Variants in GPC6 observed in about 807,000 individuals in gnomAD.
GPC6 encodes glypican-6.
In GPC6, 14 loss-of-function variants were observed where a neutral mutation model predicts 55.2. That is an observed-to-expected ratio of 0.25 (90% confidence interval 0.17 to 0.40). The LOEUF is 0.40. Ranked by LOEUF, GPC6 falls within the 10% of genes least tolerant of loss-of-function variation. The probability of loss-of-function intolerance (pLI) is 1.00; values close to 1 mark genes in which losing one functional copy is unlikely to be tolerated. For synonymous variants in GPC6, 278 were observed against 259.6 expected (o/e 1.07, Z -0.68); for missense variants, 641 against 708.5 (o/e 0.90, Z 1.08).
chr13:94,225,674 T>C (rs1890533123), intron 4 of GPC6, among the ~76,000 whole-genome samples: 11 of 150,426 alleles, frequency 7.3e-5, no homozygotes, highest in Admixed American at 7.3e-4. Context: ...TATACACATA[T>C]ATATATATAT....
intron 1 of GPC6, among the ~76,000 whole-genome samples, chr13:93,446,954 T>A (rs1878027882): frequency 6.6e-6 from 1 of 151,778 alleles, no homozygotes; most frequent in South Asian, 2.1e-4. Context: ...AGTATTTTAC[T>A]AATTTTTTTG....
At chr13:93,756,506 G>A (rs1884775646) in intron 2 of GPC6, among the ~76,000 whole-genome samples, 2 of 152,078 alleles carry the variant, frequency 1.3e-5, no homozygotes, top group Admixed American at 6.6e-5. Context: ...AAAGCCTTGG[G>A]ACTTTATTCA....
At chr13:93,713,126 T>G (rs1883130680) in intron 2 of GPC6, among the ~76,000 whole-genome samples, 1 of 151,556 alleles carries the variant, frequency 6.6e-6, no homozygotes, top group Admixed American at 6.6e-5. Context: ...TTTTAACATT[T>G]TAGAAATGGA....
intron 1 of GPC6, among the ~76,000 whole-genome samples, chr13:93,248,564 G>A (rs903683779): frequency 2.0e-5 from 3 of 151,898 alleles, no homozygotes; most frequent in Admixed American, 6.6e-5. Flanking sequence ...CTTCATTCAG[G>A]GTGACAATTT....
rs533444261 is a variant in GPC6 at position 94,117,315 on chromosome 13, G to C, written c.877+89421G>C. Among the ~76,000 whole-genome samples, 3 of 152,170 alleles carry C rather than the reference G, an allele frequency of 2.0e-5. No homozygotes were observed. The South Asian group carries it at 6.2e-4, about 32-fold the overall frequency. ...TATAATTCCAAAGGTGTTGTATCCT[G>C]AATAATAATTCTATGTCATTAACAA... On this transcript the variant is annotated intron_variant, in intron 4 of 8. Transcript: ENST00000377047.
At chr13:94,182,846 G>A (rs1179391030) in intron 4 of GPC6, among the ~76,000 whole-genome samples, 1 of 152,150 alleles carries the variant, frequency 6.6e-6, no homozygotes, top group Admixed American at 6.5e-5. Context: ...CACAAACAGG[G>A]TTCACTACAG....
At position 94,103,449 on chromosome 13, in the gene GPC6, G is replaced by C. The variant is rs145118892; in HGVS notation, c.877+75555G>C. ...ATGGTATTTCTAGTTCTAGATCCTT[G>C]AGGAATTGCCACACTGTCTTCCACA... On this transcript the variant is annotated intron_variant, in intron 4 of 8. Coordinates refer to ENST00000377047, the MANE Select transcript of GPC6 (RefSeq NM_005708.5). 5.6e-3 allele frequency among the ~76,000 whole-genome samples: 855 copies of C among 152,248 alleles called. 8 individuals carry two copies. Among genetic ancestry groups the C allele is most frequent in the African/African-American group, 0.02 (823 of 41,528 alleles).
intron 1 of GPC6, among the ~76,000 whole-genome samples, chr13:93,295,773 A>G (rs1878476674): frequency 6.6e-6 from 1 of 152,120 alleles, no homozygotes; most frequent in Non-Finnish European, 1.5e-5. Context: ...AGTGGGTGCC[A>G]TGTCGGCTCA....
intron 4 of GPC6, among the ~76,000 whole-genome samples, chr13:94,111,858 C>T (rs1253912856): frequency 2.0e-5 from 3 of 152,068 alleles, no homozygotes; most frequent in African/African-American, 7.2e-5. Context: ...ATACCATTTA[C>T]ACTTACTTCT....
chr13:93,846,781 T>C (rs1464976519), intron 3 of GPC6, among the ~76,000 whole-genome samples: 2 of 152,172 alleles, frequency 1.3e-5, no homozygotes, highest in Non-Finnish European at 2.9e-5. Flanking sequence ...GCCATTGCAC[T>C]CCAGCCTCAA....
At chr13:93,390,811 A>T (rs1875601315) in intron 1 of GPC6, among the ~76,000 whole-genome samples, 1 of 151,916 alleles carries the variant, frequency 6.6e-6, no homozygotes, top group Non-Finnish European at 1.5e-5. Context: ...TAAAAAAAAA[A>T]AATCTTGGGG....
chr13:93,800,228 T>G (rs1886327747), intron 2 of GPC6, among the ~76,000 whole-genome samples: 1 of 152,220 alleles, frequency 6.6e-6, no homozygotes, highest in Admixed American at 6.5e-5. Context: ...TTACATGAGT[T>G]ATATATTAGT....
chr13:93,517,518 C>T (rs987768783), intron 1 of GPC6, among the ~76,000 whole-genome samples: 25 of 152,110 alleles, frequency 1.6e-4, no homozygotes, highest in African/African-American at 4.1e-4. Flanking sequence ...TTTTTCCATT[C>T]GCCATAATTA....
chr13:93,399,237 T>C (rs1875979111), intron 1 of GPC6, among the ~76,000 whole-genome samples: 1 of 152,226 alleles, frequency 6.6e-6, no homozygotes, highest in Non-Finnish European at 1.5e-5. Flanking sequence ...GAGTGAGCCC[T>C]TAGAAGGGCT....
chr13:93,840,303 G>A (rs1188830054), intron 3 of GPC6, among the ~76,000 whole-genome samples: 1 of 152,064 alleles, frequency 6.6e-6, no homozygotes, highest in African/African-American at 2.4e-5. Flanking sequence ...ATCATTCGAG[G>A]CTACTGTGAA....
chr13:93,698,595 A>G (rs983380532), intron 2 of GPC6, among the ~76,000 whole-genome samples: 4 of 128,604 alleles, frequency 3.1e-5, no homozygotes, highest in Non-Finnish European at 6.3e-5. Context: ...GCCCTTTGTC[A>G]TTTGCTGGAT....
intron 1 of GPC6, among the ~76,000 whole-genome samples, chr13:93,339,780 T>C (rs7339237): frequency 0.074 from 11,196 of 152,264 alleles, 516 homozygotes; most frequent in East Asian, 0.12. Context: ...CAATAATGTT[T>C]TGTGAAATAC....
intron 2 of GPC6, among the ~76,000 whole-genome samples, chr13:93,810,174 A>G (rs145523329): frequency 6.6e-6 from 1 of 152,300 alleles, no homozygotes; most frequent in Non-Finnish European, 1.5e-5. Context: ...GGACATGTCT[A>G]ATTTTGTCTT....
At chr13:93,360,490 G>C (rs917448694) in intron 1 of GPC6, among the ~76,000 whole-genome samples, 1 of 152,066 alleles carries the variant, frequency 6.6e-6, no homozygotes, top group African/African-American at 2.4e-5. Context: ...AAGTTAGTAT[G>C]GTCCACGGAT....
Sources: gnomAD v4.1 joint callset for allele counts (sites outside exome capture counted in the v4.1 genomes callset) on GRCh38, gnomAD v4.1.1 for gene constraint, MANE v1.5 for transcripts, NCBI Gene and HGNC (gene_info 2026-07-23, HGNC 2026-07-21) for gene names.